Variants in ZBTB7C observed in about 807,000 individuals in gnomAD.
ZBTB7C encodes zinc finger and BTB domain-containing protein 7C.
In ZBTB7C, 8 loss-of-function variants were observed where a neutral mutation model predicts 25.7. That is an observed-to-expected ratio of 0.31 (90% CI 0.18 to 0.56). ZBTB7C has a LOEUF of 0.56. Ranked by LOEUF, ZBTB7C falls within the 20% of genes least tolerant of loss-of-function variation. ZBTB7C has a pLI of 0.91. For missense variants in ZBTB7C, 824 were observed against 855.2 expected, an observed-to-expected ratio of 0.96 and a Z score of 0.46; for synonymous variants, 394 against 369.0, an observed-to-expected ratio of 1.07 and a Z score of -0.78.
chr18:48,345,207 T>C (rs1307124324), intron 1 of ZBTB7C, among the ~76,000 whole-genome samples: 3 of 152,142 alleles, frequency 2.0e-5, no homozygotes, highest in Admixed American at 1.3e-4. Flanking sequence ...AAATAGGAAG[T>C]CTGTGGATAG....
At chr18:48,246,891 G>C (rs772519599) in intron 2 of ZBTB7C, among the ~76,000 whole-genome samples, 9 of 152,148 alleles carry the variant, frequency 5.9e-5, no homozygotes, top group Admixed American at 2.0e-4. Context: ...GTCAGGGATA[G>C]AGGGGGCTAG....
chr18:48,263,057 G>C (rs1480202586), intron 2 of ZBTB7C, among the ~76,000 whole-genome samples: 1 of 152,210 alleles, frequency 6.6e-6, no homozygotes, highest in South Asian at 2.1e-4. Flanking sequence ...CTCTGGCCTA[G>C]AGTGGCCCCA....
At chr18:48,367,202 T>TATATATATACACACAC (rs1302394192) in intron 1 of ZBTB7C, among the ~76,000 whole-genome samples, 4 of 63,404 alleles carry the variant, frequency 6.3e-5, no homozygotes, top group Non-Finnish European at 1.3e-4. Context: ...TATATATATA[T>TATATATATACACACAC]ACACACACAC....
chr18:48,132,388 G>A (rs1485100073), intron 3 of ZBTB7C, among the ~76,000 whole-genome samples: 2 of 152,148 alleles, frequency 1.3e-5, no homozygotes, highest in African/African-American at 4.8e-5. Flanking sequence ...AGAGACAAAA[G>A]GTAGATTATT....
chr18:48,345,215 T>G (rs915037602), intron 1 of ZBTB7C, among the ~76,000 whole-genome samples: 3 of 152,204 alleles, frequency 2.0e-5, no homozygotes, highest in African/African-American at 7.2e-5. Flanking sequence ...AGTCTGTGGA[T>G]AGCTGTTCAG....
At position 48,383,755 on chromosome 18, in the gene ZBTB7C, G is replaced by A. The variant is rs922905322; in HGVS notation, c.-304+25471C>T. ...AAACAGCACACAGCAGAGTTTGATC[G>A]GGGTTGTGGTGCCTAGGTAAGGCTG... On this transcript the variant is annotated intron_variant, in intron 1 of 4. Transcript: ENST00000590800. 3.3e-5 allele frequency among the ~76,000 whole-genome samples: 5 copies of A among 152,042 alleles called. No homozygotes were observed. In the East Asian group the frequency reaches 5.8e-4, roughly 18 times the overall value.
intron 2 of ZBTB7C, among the ~76,000 whole-genome samples, chr18:48,267,179 T>G (rs536266055): frequency 6.6e-6 from 1 of 152,210 alleles, no homozygotes; most frequent in Non-Finnish European, 1.5e-5. Context: ...CCTCCATTGC[T>G]CATCAGATAC....
At chr18:48,321,446 C>T (rs995575465) in intron 2 of ZBTB7C, among the ~76,000 whole-genome samples, 5 of 152,168 alleles carry the variant, frequency 3.3e-5, no homozygotes, top group African/African-American at 1.2e-4. Flanking sequence ...TTTTGCAGGA[C>T]CGCCTCGCAG....
At position 48,029,538 on chromosome 18, in the gene ZBTB7C, G is replaced by T. The variant is rs368676363; in HGVS notation, c.1582C>A (p.Pro528Thr). 2.2e-5 allele frequency: 35 copies of T among 1,566,290 alleles called. No homozygotes were observed. The South Asian group carries it at 3.7e-4, about 17-fold the overall frequency. ...GCCAGGAAGTGCTTGGCGGGGCTGG[G>T]GCCCGGGAGGCACACAGCTGCGCCG... ...LGGAAVCLPGPSPAKHFLAAP... is the reference protein window; with the variant it reads ...LGGAAVCLPGTSPAKHFLAAP... Residue 528 changes from proline to threonine, a missense_variant, in exon 5 of 5, where the codon CCC (proline) becomes ACC (threonine). By Grantham distance (38) the Pro-to-Thr change is conservative. Around this residue, in one of 4 missense-constraint regions of ZBTB7C, gnomAD observed 342 missense variants for 307.0 expected, o/e 1.11. Coordinates refer to ENST00000590800, the MANE Select transcript of ZBTB7C (RefSeq NM_001318841.2).
intron 2 of ZBTB7C, among the ~76,000 whole-genome samples, chr18:48,313,107 T>G (rs970460944): frequency 6.6e-6 from 1 of 152,210 alleles, no homozygotes; most frequent in African/African-American, 2.4e-5. Flanking sequence ...CGTCTCTTTA[T>G]AAGTGTGAAC....
At chr18:48,357,235 G>A (rs1195986838) in intron 1 of ZBTB7C, among the ~76,000 whole-genome samples, 2 of 152,224 alleles carry the variant, frequency 1.3e-5, no homozygotes, top group Non-Finnish European at 2.9e-5. Flanking sequence ...GGTCGGGGGT[G>A]GCCAGGAGGA....
chr18:48,137,664 G>C (rs573747719), intron 3 of ZBTB7C, among the ~76,000 whole-genome samples: 1 of 152,316 alleles, frequency 6.6e-6, no homozygotes, highest in South Asian at 2.1e-4. Context: ...ACAAAAAAAA[G>C]AGGGAGTGCA....
intron 3 of ZBTB7C, among the ~76,000 whole-genome samples, chr18:48,168,774 C>A (rs142706757): frequency 6.6e-6 from 1 of 152,292 alleles, no homozygotes; most frequent in African/African-American, 2.4e-5. Context: ...GTGGAAGTTG[C>A]GTAAAGGATA....
At chr18:48,367,202 T>TATACAC (rs1302394192) in intron 1 of ZBTB7C, among the ~76,000 whole-genome samples, 12 of 63,400 alleles carry the variant, frequency 1.9e-4, no homozygotes, top group East Asian at 7.5e-4. Context: ...TATATATATA[T>TATACAC]ACACACACAC....
intron 2 of ZBTB7C, among the ~76,000 whole-genome samples, chr18:48,332,377 A>T (rs1478727728): frequency 6.6e-6 from 1 of 152,194 alleles, no homozygotes; most frequent in African/African-American, 2.4e-5. Context: ...AGAAAACATT[A>T]TGGTCGGTGC....
intron 2 of ZBTB7C, among the ~76,000 whole-genome samples, chr18:48,245,447 C>T (rs1471613292): frequency 1.4e-5 from 2 of 146,222 alleles, no homozygotes; most frequent in African/African-American, 2.5e-5. Context: ...CCAAACAACA[C>T]TTGTTCCCCT....
At chr18:48,255,134 C>A (rs1380839520) in intron 2 of ZBTB7C, among the ~76,000 whole-genome samples, 1 of 152,098 alleles carries the variant, frequency 6.6e-6, no homozygotes, top group Non-Finnish European at 1.5e-5. Flanking sequence ...AAATGTCCAG[C>A]ACACAGGATA....
chr18:48,398,542 A>G (rs1401970867), intron 1 of ZBTB7C, among the ~76,000 whole-genome samples: 3 of 152,136 alleles, frequency 2.0e-5, no homozygotes, highest in African/African-American at 7.2e-5. Context: ...AAAGGGCCCA[A>G]TACGACCTCT....
intron 2 of ZBTB7C, among the ~76,000 whole-genome samples, chr18:48,302,250 T>C (rs1441754166): frequency 1.3e-5 from 2 of 152,182 alleles, no homozygotes; most frequent in Non-Finnish European, 2.9e-5. Context: ...TGGACGCCCC[T>C]GGAGTCTGGC....
Sources: gnomAD v4.1 joint callset for allele counts (sites outside exome capture counted in the v4.1 genomes callset) on GRCh38, gnomAD v4.1.1 for gene constraint, gnomAD v4.1.1 regional missense constraint, MANE v1.5 for transcripts, NCBI Gene and HGNC (gene_info 2026-07-23, HGNC 2026-07-21) for gene names.